CALHM6: variants seen among roughly 807,000 people sequenced by gnomAD.
CALHM6 encodes calcium homeostasis modulator protein 6.
Under a neutral mutation model 12.7 loss-of-function variants are expected in CALHM6, and 15 were observed. The observed-to-expected ratio is 1.18, with a 90% confidence interval of 0.79 to 1.82. The LOEUF (loss-of-function observed/expected upper bound fraction) is 1.82, where lower values mean the gene tolerates loss of function less well. CALHM6 is among the 40% of genes most tolerant of loss of function. The probability of loss-of-function intolerance (pLI) is 0.00; values close to 1 mark genes in which losing one functional copy is unlikely to be tolerated. For synonymous variants in CALHM6, 212 were observed against 193.7 expected (o/e 1.09, Z -0.78); for missense variants, 434 against 421.0 (o/e 1.03, Z -0.27).
rs1164290091 is a variant in CALHM6 at position 116,463,531 on chromosome 6, G to A, written c.774G>A (p.Gln258=). ...ACACTCCAAGCATGAAAGAGTGGCA[G>A]CAAATTTCATCACTGTATACTTTCA... ...EYNTPSMKEW[Q]QISSLYTFNP... The change falls in exon 3 of 3, where the codon CAG becomes CAA. Residue 258 remains glutamine, a synonymous_variant. Transcript: ENST00000368605. 6.2e-7 allele frequency: 1 copy of A among 1,614,148 alleles called. No individual in the cohort carries two copies. The highest frequency in any genetic ancestry group is 1.1e-5 in the South Asian group (1 of 91,080).
At position 116,463,446 on chromosome 6, in the gene CALHM6, C is replaced by G. The variant is rs148622134; in HGVS notation, c.689C>G (p.Thr230Ser). 7.4e-6 allele frequency: 12 copies of G among 1,614,012 alleles called. No individual in the cohort carries two copies. In the Admixed American group the frequency reaches 1.8e-4, roughly 25 times the overall value. ...ILKSKATEHA[T>S]ELAKENIKCF... is the part of the protein sequence containing the mutation. ...AAAAGTAAAGCCACAGAGCATGCAA[C>G]TGAATTGGCAAAAGAGAATATTAAA... Residue 230 changes from threonine to serine, a missense_variant, in exon 3 of 3, where the codon ACT (threonine) becomes AGT (serine). By Grantham distance (58) the Thr-to-Ser change is moderately conservative. Coordinates refer to ENST00000368605, the MANE Select transcript of CALHM6 (RefSeq NM_001010919.3).
In CALHM6 at chr6:116,463,515, G is replaced by A; in HGVS notation, c.758G>A (p.Ser253Asn). The A allele has an allele frequency of 1.2e-6, 2 of 1,614,146 alleles. No individual in the cohort carries two copies. The highest frequency in any genetic ancestry group is 2.2e-5 in the East Asian group (1 of 44,872). ...GSHPKEYNTP[S>N]MKEWQQISSL... ...CATCCAAAAGAATATAACACTCCAA[G>A]CATGAAAGAGTGGCAGCAAATTTCA... Residue 253 changes from serine (S) to asparagine (N), a missense_variant, in exon 3 of 3, where the codon AGC becomes AAC. Transcript: ENST00000368605.
chr6:116,461,800 A>AAAAT, intron 1 of CALHM6, 72 bp from the exon 2 acceptor site: 1 of 1,080,796 alleles, frequency 9.3e-7, no homozygotes, highest in Non-Finnish European at 1.2e-6. Context: ...TTTAAAAAAA[A>AAAAT]AAAAAAAAAG....
In CALHM6 at chr6:116,462,356, A is replaced by G. The variant is rs1784794658; in HGVS notation, c.427A>G (p.Asn143Asp). 6.9e-7 allele frequency: 1 copy of G among 1,451,828 alleles called. No individual in the cohort carries two copies. Among genetic ancestry groups the G allele is most frequent in the Non-Finnish European group, 9.0e-7 (1 of 1,106,984 alleles). The allele number at this position is 1,451,828 out of a possible 1,614,324, so 89.9% of individuals were successfully genotyped here. ...CGCGCAGCGCCTGTGCCTCGGCCGC[A>G]ACCGCAGCTGCGCCGCGGAGCTGCC... Reference protein sequence around the residue: ...AFAQRLCLGRNRSCAAELPLV... With the variant: ...AFAQRLCLGRDRSCAAELPLV... Residue 143 changes from asparagine to aspartate, a missense_variant, in exon 2 of 3, where the codon AAC becomes GAC. Coordinates refer to ENST00000368605, the MANE Select transcript of CALHM6 (RefSeq NM_001010919.3).
At chr6:116,462,500 A>G in intron 2 of CALHM6, 46 bp downstream of exon 2, 1 of 1,391,332 alleles carries the variant, frequency 7.2e-7, no homozygotes, top group East Asian at 3.0e-5. Context: ...CGAGAGGCCG[A>G]GCTTTCTCAG....
intron 2 of CALHM6, 95 bp from the exon 3 acceptor site, chr6:116,463,188 A>G (rs1784817146): frequency 1.8e-5 from 22 of 1,223,216 alleles, no homozygotes; most frequent in Middle Eastern, 5.2e-4. Flanking sequence ...GTTCATCATC[A>G]TAACTGGCGA....
Position 116,463,628 on chromosome 6 carries a change from T to TGTA in CALHM6, c.871_872insGTA (p.Ser291delinsCysThr). ...AAAAGAGAAGACTCACAGTATCAGG[T>TGTA]CTACTGAAGGAGATACGGTGATTCC... On this transcript the variant is annotated protein_altering_variant, in exon 3 of 3. Transcript: ENST00000368605. 1 of 1,614,102 alleles carries TGTA rather than the reference T, an allele frequency of 6.2e-7. No individual in the cohort carries two copies. The highest frequency in any genetic ancestry group is 8.5e-7 in the Non-Finnish European group (1 of 1,179,982).
At chr6:116,462,767 C>A (rs887756554) in intron 2 of CALHM6, among the ~76,000 whole-genome samples, 4 of 152,158 alleles carry the variant, frequency 2.6e-5, no homozygotes, top group Non-Finnish European at 4.4e-5. Context: ...TTACGTCTCA[C>A]AACAGCTCTG....
rs1467284007 is a variant in CALHM6 at position 116,461,921 on chromosome 6, A to T, written c.-9A>T. The T allele has an allele frequency of 1.3e-5, 20 of 1,492,124 alleles. No homozygotes were observed. The South Asian group carries it at 2.5e-4, about 18-fold the overall frequency. 92.4% of individuals were successfully genotyped at this position (1,492,124 alleles called of 1,614,324 possible). On this transcript the variant is annotated 5_prime_UTR_variant, in exon 2 of 3. Coordinates refer to ENST00000368605, the MANE Select transcript of CALHM6 (RefSeq NM_001010919.3). ...GGGCCTGTGCGCGACGCCCCGGGGGACGAGGCTCATGGAGAAGTTTCGGGC... is the reference window on the plus strand; with the variant it reads ...GGGCCTGTGCGCGACGCCCCGGGGGTCGAGGCTCATGGAGAAGTTTCGGGC...
chr6:116,461,777 A>G, intron 1 of CALHM6, 95 bp from the exon 2 acceptor site: 1 of 940,992 alleles, frequency 1.1e-6, no homozygotes, highest in East Asian at 2.9e-5. Context: ...AAGGTCTGAG[A>G]AGCCCTCTTC....
chr6:116,462,407 G>T lies in CALHM6; in HGVS notation c.478G>T (p.Ala160Ser). 6 of 1,493,256 alleles carry T rather than the reference G, an allele frequency of 4.0e-6. No individual in the cohort carries two copies. The South Asian group carries it at 6.3e-5, about 16-fold the overall frequency. The allele number at this position is 1,493,256 out of a possible 1,614,324, so 92.5% of individuals were successfully genotyped here. A position where few individuals can be genotyped will look rare whatever the true frequency, so the allele number is the denominator to read the frequency against. Reference sequence around the variant, plus strand: ...GCTGGTGCCGTGCAACCAGGCCAAGGCGTCGGACGTGCAGGACCTCCTGAA... The same window carrying T: ...GCTGGTGCCGTGCAACCAGGCCAAGTCGTCGGACGTGCAGGACCTCCTGAA... The part of the protein sequence containing the change: ...LPLVPCNQAK[A>S]SDVQDLLKDL... The change falls in exon 2 of 3, where the codon GCG (alanine) becomes TCG (serine). Residue 160 changes from alanine (A) to serine (S), a missense_variant. Physicochemically the swap from Ala to Ser is moderately conservative, Grantham distance 99. Coordinates refer to ENST00000368605, the MANE Select transcript of CALHM6 (RefSeq NM_001010919.3).
rs745347240 is a variant in CALHM6 at position 116,463,722 on chromosome 6, A to G, written c.*17A>G. The G allele has an allele frequency of 7.6e-6, 11 of 1,451,344 alleles. No individual in the cohort carries two copies. The highest frequency in any genetic ancestry group is 2.4e-5 in the East Asian group (1 of 41,732). 89.9% of individuals were successfully genotyped at this position (1,451,344 alleles called of 1,614,324 possible). On this transcript the variant is annotated 3_prime_UTR_variant, in exon 3 of 3. Transcript: ENST00000368605. The stretch of plus-strand genomic sequence containing the variant: ...GAGTTATGACCTTTTGAATGAGTAG[A>G]AAAAAAAATTGTTTTGAATTATTGC...
At position 116,462,281 on chromosome 6, in the gene CALHM6, C is replaced by T; in HGVS notation, c.352C>T (p.Leu118=). Reference sequence around the variant, plus strand: ...GCCCCTCACCTGGGTGGCCGTGGCGCTGCTCGGGGGCGCCTTTTACGAGTG... The same window carrying T: ...GCCCCTCACCTGGGTGGCCGTGGCGTTGCTCGGGGGCGCCTTTTACGAGTG... ...LAPLTWVAVA[L]LGGAFYECAA... is the part of the protein sequence containing the mutation. Residue 118 remains leucine (L), a synonymous_variant, in exon 2 of 3, where the codon CTG becomes TTG. Transcript: ENST00000368605. The T allele has an allele frequency of 7.2e-7, 1 of 1,385,212 alleles. No homozygotes were observed. Among genetic ancestry groups the T allele is most frequent in the Non-Finnish European group, 9.3e-7 (1 of 1,076,930 alleles). 85.8% of individuals were successfully genotyped at this position (1,385,212 alleles called of 1,614,324 possible). A position where few individuals can be genotyped will look rare whatever the true frequency, so the allele number is the denominator to read the frequency against.
Position 116,462,377 on chromosome 6 carries a change from C to A in CALHM6, c.448C>A (p.Leu150Met), listed in dbSNP as rs1784795676. 2.1e-6 allele frequency: 3 copies of A among 1,459,986 alleles called. No individual in the cohort carries two copies. Among genetic ancestry groups the A allele is most frequent in the Admixed American group, 2.7e-5 (1 of 37,062 alleles). 90.4% of individuals were successfully genotyped at this position (1,459,986 alleles called of 1,614,324 possible). A position where few individuals can be genotyped will look rare whatever the true frequency, so the allele number is the denominator to read the frequency against. ...CCGCAACCGCAGCTGCGCCGCGGAG[C>A]TGCCGCTGGTGCCGTGCAACCAGGC... ...LGRNRSCAAE[L>M]PLVPCNQAKA... Residue 150 changes from leucine (L) to methionine (M), a missense_variant, in exon 2 of 3, where the codon CTG becomes ATG. Leu to Met is a conservative substitution (Grantham distance 15, BLOSUM62 2). Coordinates refer to ENST00000368605, the MANE Select transcript of CALHM6 (RefSeq NM_001010919.3).
Position 116,463,510 on chromosome 6 carries a change from T to C in CALHM6, c.753T>C (p.Thr251=). ...GCTCGCATCCAAAAGAATATAACAC[T>C]CCAAGCATGAAAGAGTGGCAGCAAA... ...FEGSHPKEYN[T]PSMKEWQQIS... The change falls in exon 3 of 3, where the codon ACT becomes ACC. Residue 251 remains threonine (T), a synonymous_variant. Coordinates refer to ENST00000368605, the MANE Select transcript of CALHM6 (RefSeq NM_001010919.3). 6.2e-7 allele frequency: 1 copy of C among 1,614,108 alleles called. No individual in the cohort carries two copies. Among genetic ancestry groups the C allele is most frequent in the Non-Finnish European group, 8.5e-7 (1 of 1,180,000 alleles).
At position 116,462,139 on chromosome 6, in the gene CALHM6, G is replaced by A. The variant is rs940317170; in HGVS notation, c.210G>A (p.Leu70=). The change falls in exon 2 of 3, where the codon CTG becomes CTA. Residue 70 remains leucine, a synonymous_variant. Transcript: ENST00000368605. ...ALALFLLGYV[L]SARTWRLLTG... is the part of the protein sequence containing the mutation. ...CGCTCTTCCTCCTGGGCTACGTGCT[G>A]AGCGCACGCACGTGGCGCCTGCTCA... 2 of 1,533,694 alleles carry A rather than the reference G, an allele frequency of 1.3e-6. No individual in the cohort carries two copies. The highest frequency in any genetic ancestry group is 2.8e-5 in the African/African-American group (2 of 72,678).
chr6:116,462,129 G>T lies in CALHM6; in HGVS notation c.200G>T (p.Gly67Val). ...CCGGCGCTCGCGCTCTTCCTCCTGG[G>T]CTACGTGCTGAGCGCACGCACGTGG... ...LVPALALFLL[G>V]YVLSARTWRL... The change falls in exon 2 of 3, where the codon GGC (glycine) becomes GTC (valine). Residue 67 changes from glycine to valine, a missense_variant. By Grantham distance (109) the Gly-to-Val change is moderately radical (BLOSUM62 -3). Coordinates refer to ENST00000368605, the MANE Select transcript of CALHM6 (RefSeq NM_001010919.3). 6.5e-7 allele frequency: 1 copy of T among 1,538,936 alleles called. No homozygotes were observed. Among genetic ancestry groups the T allele is most frequent in the Non-Finnish European group, 8.7e-7 (1 of 1,145,840 alleles).
intron 2 of CALHM6, 27 bp from the exon 3 acceptor site, chr6:116,463,256 A>G (rs761045876): frequency 4.9e-5 from 77 of 1,558,160 alleles, no homozygotes; most frequent in Non-Finnish European, 6.2e-5. Context: ...AAGTAACTAA[A>G]TTACTATTTT....
In CALHM6 at chr6:116,463,660, T is replaced by C; in HGVS notation, c.903T>C (p.Leu301=). The C allele has an allele frequency of 6.2e-7, 1 of 1,613,346 alleles. No individual in the cohort carries two copies. Residue 301 remains leucine (L), a synonymous_variant, in exon 3 of 3, where the codon CTT becomes CTC. Coordinates refer to ENST00000368605, the MANE Select transcript of CALHM6 (RefSeq NM_001010919.3). ...AAGGAGATACGGTGATTCCTGTTCT[T>C]GGCTTTGTAGATTCATCTGGTATAA... The part of the protein sequence containing the change: ...STEGDTVIPV[L]GFVDSSGINS...
Sources: gnomAD v4.1 joint callset for allele counts (sites outside exome capture counted in the v4.1 genomes callset) on GRCh38, gnomAD v4.1.1 for gene constraint, MANE v1.5 for transcripts, NCBI Gene and HGNC (gene_info 2026-07-23, HGNC 2026-07-21) for gene names.